LYZL1: variants seen among roughly 807,000 people sequenced by gnomAD.
The protein encoded by LYZL1 is lysozyme like 1.
LYZL1 carries 16 observed loss-of-function variants against 17.9 expected under a neutral mutation model. The observed-to-expected ratio is 0.90, with a 90% confidence interval of 0.61 to 1.36. The LOEUF (loss-of-function observed/expected upper bound fraction) is 1.36, where lower values mean the gene tolerates loss of function less well. LYZL1 is among the 40% of genes most tolerant of loss of function. LYZL1 has a pLI of 0.00. For synonymous variants in LYZL1, 58 were observed against 71.8 expected, an observed-to-expected ratio of 0.81 and a Z score of 0.97; for missense variants, 149 against 188.4, an observed-to-expected ratio of 0.79 and a Z score of 1.22.
chr10:29,289,441 G>A (rs1451772695), intron 1 of LYZL1, among the ~76,000 whole-genome samples: 4 of 143,740 alleles, frequency 2.8e-5, no homozygotes, highest in Admixed American at 2.8e-4. Flanking sequence ...TTTTTAGACA[G>A]GGTCTCTCAC....
At position 29,291,805 on chromosome 10, in the gene LYZL1, A is replaced by G. The variant is rs557091274; in HGVS notation, c.-25-38A>G. Reference sequence around the variant, plus strand: ...CACCGCTGGATTTCAAAGTTCCTGAACCAAGATCGTCTGACCTGTTCTCCG... The same window carrying G: ...CACCGCTGGATTTCAAAGTTCCTGAGCCAAGATCGTCTGACCTGTTCTCCG... On this transcript the variant is annotated intron_variant, in intron 1 of 4. Transcript: ENST00000649382. The G allele has an allele frequency of 2.4e-5, 37 of 1,533,736 alleles. 1 individual carries two copies. The African/African-American group carries it at 3.5e-4, about 15-fold the overall frequency.
downstream of LYZL1, among the ~76,000 whole-genome samples, chr10:29,312,866 T>C (rs1331841447): frequency 6.6e-6 from 1 of 152,188 alleles, no homozygotes; most frequent in African/African-American, 2.4e-5. Flanking sequence ...TCATGTTGAA[T>C]GCAATTTGAC....
At chr10:29,313,372 A>C (rs189627028), downstream of LYZL1, among the ~76,000 whole-genome samples, 1 of 152,222 alleles carries the variant, frequency 6.6e-6, no homozygotes, top group East Asian at 1.9e-4. Flanking sequence ...TTGCAGCCCC[A>C]TTCTTAGCCA....
At chr10:29,289,417 CTTTTTTT>C (rs11347424) in intron 1 of LYZL1, among the ~76,000 whole-genome samples, 187 bp downstream of exon 1, 1 of 128,734 alleles carries the variant, frequency 7.8e-6, no homozygotes, top group Non-Finnish European at 1.6e-5. Flanking sequence ...TTTTTCTTTT[CTTTTTTT>C]TTTTTTTTTT....
chr10:29,297,430 G>T (rs1388288348), intron 3 of LYZL1, among the ~76,000 whole-genome samples: 1 of 152,176 alleles, frequency 6.6e-6, no homozygotes, highest in South Asian at 2.1e-4. Flanking sequence ...CTATGGTTTT[G>T]CTTTCCATAG....
At chr10:29,291,787 G>A (rs1344975231) in intron 1 of LYZL1, 56 bp from the exon 2 acceptor site, 8 of 1,522,402 alleles carry the variant, frequency 5.3e-6, no homozygotes, top group African/African-American at 2.8e-5. Context: ...CACCACCGCT[G>A]GATTTCAAAG....
intron 1 of LYZL1, among the ~76,000 whole-genome samples, chr10:29,289,624 GC>G (rs1835334251): frequency 6.6e-6 from 1 of 151,848 alleles, no homozygotes. Context: ...TACCTTTGCT[GC>G]CCAGGCTAGT....
chr10:29,304,679 A>G (rs1170857831), intron 3 of LYZL1, among the ~76,000 whole-genome samples: 1 of 152,094 alleles, frequency 6.6e-6, no homozygotes, highest in African/African-American at 2.4e-5. Context: ...TACTGGCAAG[A>G]GTCCTCATTT....
chr10:29,296,776 C>T (rs2132820058), intron 3 of LYZL1, among the ~76,000 whole-genome samples: 1 of 152,206 alleles, frequency 6.6e-6, no homozygotes, highest in African/African-American at 2.4e-5. Context: ...AGTGGGACTC[C>T]CCAGTGAACA....
At chr10:29,318,269 G>A (rs1046258274) in exon 5 of LYZL1, 9 of 791,330 alleles carry the variant, frequency 1.1e-5, no homozygotes, top group Admixed American at 6.2e-5. Context: ...ATGAAAAAAC[G>A]AAATCTATAC....
chr10:29,293,127 C>CTTTTTTTT lies in LYZL1; in HGVS notation c.298+456_298+457insTTTTTTTT, dbSNP rs778807136. On this transcript the variant is annotated intron_variant, in intron 3 of 4. Transcript: ENST00000649382. ...TCTTTCTTTTTTTTTCTTTTCTTTTCTTTTTTCTTTTTTTTTTTTTTTTGA... is the reference window on the plus strand; with the variant it reads ...TCTTTCTTTTTTTTTCTTTTCTTTTCTTTTTTTTTTTTTTCTTTTTTTTTTTTTTTTGA... Among the ~76,000 whole-genome samples the CTTTTTTTT allele has an allele frequency of 1.5e-3, 152 of 104,170 alleles. 8 individuals are homozygous for CTTTTTTTT. The highest frequency in any genetic ancestry group is 6.0e-3 in the Middle Eastern group (1 of 166). The allele number at this position is 104,170 out of a possible 152,430, so 68.3% of individuals were successfully genotyped here. A position where few individuals can be genotyped will look rare whatever the true frequency, so the allele number is the denominator to read the frequency against.
rs138642353 is a variant in LYZL1, at chr10:29,289,092, G to T, written c.-164G>T. The T allele has an allele frequency of 5.8e-6, 9 of 1,546,270 alleles. No individual in the cohort carries two copies. Among genetic ancestry groups the T allele is most frequent in the African/African-American group, 5.5e-5 (4 of 72,994 alleles). ...GCTAGGAAAGGATTACTCGCGCCTC[G>T]TTAGAATCAGACATGGCTTCAGGGG... On this transcript the variant is annotated 5_prime_UTR_variant, in exon 1 of 5. Coordinates refer to ENST00000649382, the MANE Select transcript of LYZL1 (RefSeq NM_032517.6).
At chr10:29,291,722 G>A (rs1484549421) in intron 1 of LYZL1, 121 bp from the exon 2 acceptor site, 1 of 1,166,856 alleles carries the variant, frequency 8.6e-7, no homozygotes, top group Non-Finnish European at 1.2e-6. Context: ...TTTCCCTGAT[G>A]GTGGCACTGA....
At chr10:29,308,709 C>T (rs1835630816) in intron 3 of LYZL1, among the ~76,000 whole-genome samples, 1 of 152,190 alleles carries the variant, frequency 6.6e-6, no homozygotes, top group Non-Finnish European at 1.5e-5. Flanking sequence ...GCTGTAGTAT[C>T]AGCACTTTGG....
chr10:29,315,125 T>C (rs905376394), downstream of LYZL1, among the ~76,000 whole-genome samples: 2 of 152,188 alleles, frequency 1.3e-5, no homozygotes, highest in Admixed American at 1.3e-4. Context: ...GTCTCCAAAA[T>C]AGAAGGAAAA....
chr10:29,289,249 T>C lies in LYZL1; in HGVS notation c.-26+19T>C, dbSNP rs769886279. On this transcript the variant is annotated intron_variant, in intron 1 of 4. Coordinates refer to ENST00000649382, the MANE Select transcript of LYZL1 (RefSeq NM_032517.6). The stretch of plus-strand genomic sequence containing the variant: ...CTTTTCAGTAAGACCTAAATTACTC[T>C]TATGAGAACCAGCAATGGCAGGTTC... 4.6e-6 allele frequency: 3 copies of C among 654,822 alleles called. No individual in the cohort carries two copies. Among genetic ancestry groups the C allele is most frequent in the Non-Finnish European group, 5.8e-6 (3 of 512,938 alleles). The allele number at this position is 654,822 out of a possible 1,614,324, so 40.6% of individuals were successfully genotyped here. A position where few individuals can be genotyped will look rare whatever the true frequency, so the allele number is the denominator to read the frequency against.
chr10:29,297,502 A>G (rs188357602), intron 3 of LYZL1, among the ~76,000 whole-genome samples: 26 of 152,300 alleles, frequency 1.7e-4, no homozygotes, highest in African/African-American at 5.8e-4. Context: ...CCAGAAATAA[A>G]CAATTCATAA....
At chr10:29,312,819 A>G (rs915626504), downstream of LYZL1, among the ~76,000 whole-genome samples, 9 of 151,976 alleles carry the variant, frequency 5.9e-5, no homozygotes, top group African/African-American at 1.9e-4. Flanking sequence ...AGCTGGTTGG[A>G]GCTGTCTTGT....
At chr10:29,317,076 T>C (rs1157904847) in intron 3 of LYZL1, among the ~76,000 whole-genome samples, 1 of 152,200 alleles carries the variant, frequency 6.6e-6, no homozygotes, top group East Asian at 1.9e-4. Flanking sequence ...CCTAATTTTA[T>C]AGCTATTTTT....
Sources: gnomAD v4.1 joint callset for allele counts (sites outside exome capture counted in the v4.1 genomes callset) on GRCh38, gnomAD v4.1.1 for gene constraint, MANE v1.5 for transcripts, NCBI Gene and HGNC (gene_info 2026-07-23, HGNC 2026-07-21) for gene names.